Variants in PRICKLE2 observed in about 807,000 individuals in gnomAD.
PRICKLE2 encodes the protein prickle planar cell polarity protein 2, also known as prickle-like protein 2.
In PRICKLE2, 21 loss-of-function variants were observed where a neutral mutation model predicts 81.4. That is an observed-to-expected ratio of 0.26 (90% CI 0.18 to 0.37). The LOEUF is 0.37. Ranked by LOEUF, PRICKLE2 falls within the 10% of genes least tolerant of loss-of-function variation. The pLI is 1.00. For missense variants in PRICKLE2, 940 were observed against 1,109.0 expected (o/e 0.85, Z 2.16); for synonymous variants, 456 against 421.5 (o/e 1.08, Z -1.00).
At chr3:64,152,027 C>A (rs552821439) in intron 6 of PRICKLE2, among the ~76,000 whole-genome samples, 1 of 152,302 alleles carries the variant, frequency 6.6e-6, no homozygotes, top group Admixed American at 6.5e-5. Context: ...GTTGAGCACA[C>A]GCTAGCTGTC....
At chr3:64,249,761 T>C (rs1351700634) in intron 2 of PRICKLE2, among the ~76,000 whole-genome samples, 2 of 152,232 alleles carry the variant, frequency 1.3e-5, no homozygotes, top group Non-Finnish European at 2.9e-5. Context: ...GTAGTTCAAG[T>C]ATGTTCCTAT....
chr3:64,127,235 A>G (rs750103704), intron 7 of PRICKLE2, among the ~76,000 whole-genome samples: 1 of 152,216 alleles, frequency 6.6e-6, no homozygotes, highest in African/African-American at 2.4e-5. Flanking sequence ...AGCCTTACCC[A>G]ATAAGATAAT....
intron 2 of PRICKLE2, among the ~76,000 whole-genome samples, chr3:64,261,448 G>A (rs2079613959): frequency 6.6e-6 from 1 of 152,124 alleles, no homozygotes; most frequent in Non-Finnish European, 1.5e-5. Context: ...AGAAGGGACA[G>A]GGACAGGCTT....
At chr3:64,212,001 G>A (rs891227280) in intron 1 of PRICKLE2, among the ~76,000 whole-genome samples, 7 of 152,252 alleles carry the variant, frequency 4.6e-5, no homozygotes, top group South Asian at 2.1e-4. Flanking sequence ...TTTTAAAAGC[G>A]TTCACAAGCC....
At chr3:64,251,042 C>A (rs969133963) in intron 2 of PRICKLE2, among the ~76,000 whole-genome samples, 1 of 152,104 alleles carries the variant, frequency 6.6e-6, no homozygotes, top group Non-Finnish European at 1.5e-5. Context: ...TATCAGATCA[C>A]GAGGGCAGGG....
In PRICKLE2 at chr3:64,147,480, C is replaced by T. The variant is rs750388947; in HGVS notation, c.1010G>A (p.Ser337Asn). The change falls in exon 7 of 8, where the codon AGT becomes AAT. Residue 337 changes from serine (S) to asparagine (N), a missense_variant. Around this residue, in one of 2 missense-constraint regions of PRICKLE2, gnomAD observed 670 missense variants for 717.2 expected, o/e 0.93. Transcript: ENST00000638394. This position sits in a 1 kb window ranked among gnomAD's most constrained non-coding sequence, Gnocchi z 5.0. ...GCCCTTGTTCTTGCCAATTTTGGCA[C>T]TGCGCCGGGACTCCTTGGCCCTGGC... is the stretch of plus-strand genomic sequence containing the variant. ...QNARAKESRR[S>N]AKIGKNKGKT... 6.2e-7 allele frequency: 1 copy of T among 1,614,250 alleles called. No individual in the cohort carries two copies. Among genetic ancestry groups the T allele is most frequent in the South Asian group, 1.1e-5 (1 of 91,092 alleles).
intron 2 of PRICKLE2, among the ~76,000 whole-genome samples, chr3:64,249,976 C>T (rs1477362584): frequency 6.6e-6 from 1 of 152,194 alleles, no homozygotes; most frequent in African/African-American, 2.4e-5. Context: ...TAATGACGTG[C>T]TCAAGGCCTG....
chr3:64,099,975 T>C lies in PRICKLE2; in HGVS notation c.1661-50A>G. 6.3e-7 allele frequency: 1 copy of C among 1,578,996 alleles called. No individual in the cohort carries two copies. The highest frequency in any genetic ancestry group is 8.7e-7 in the Non-Finnish European group (1 of 1,150,130). ...AGAGATTAATACAGATGTGCAGCAATGGGTATCACTGTCACTGCTGGTCAT... is the reference window on the plus strand; with the variant it reads ...AGAGATTAATACAGATGTGCAGCAACGGGTATCACTGTCACTGCTGGTCAT... On this transcript the variant is annotated intron_variant, in intron 7 of 7. Coordinates refer to ENST00000638394, the MANE Select transcript of PRICKLE2 (RefSeq NM_198859.4). This position sits in a 1 kb window ranked among gnomAD's most constrained non-coding sequence, Gnocchi z 4.3.
chr3:64,157,504 C>T, intron 4 of PRICKLE2, 139 bp from the exon 5 acceptor site: 4 of 871,424 alleles, frequency 4.6e-6, no homozygotes, highest in Non-Finnish European at 3.7e-6. Flanking sequence ...CTGCTTTACA[C>T]AGGCAGCAGG....
At chr3:64,201,828 A>G (rs1295544722) in intron 1 of PRICKLE2, among the ~76,000 whole-genome samples, 1 of 152,158 alleles carries the variant, frequency 6.6e-6, no homozygotes, top group East Asian at 1.9e-4. Flanking sequence ...ACGGTCATAA[A>G]GATGTATTCT....
chr3:64,198,658 A>G, intron 2 of PRICKLE2, 126 bp downstream of exon 2: 1 of 1,056,536 alleles, frequency 9.5e-7, no homozygotes, highest in Non-Finnish European at 1.5e-6. Context: ...CATCTTCAAC[A>G]TATTTAGCCC....
chr3:64,219,965 A>G (rs1467546916), intron 1 of PRICKLE2, among the ~76,000 whole-genome samples: 1 of 152,242 alleles, frequency 6.6e-6, no homozygotes, highest in Non-Finnish European at 1.5e-5. Context: ...GTTTACATAA[A>G]GCATCTTTCG....
At chr3:64,163,322 T>C (rs1174135978) in intron 2 of PRICKLE2, 193 bp from the exon 3 acceptor site, 2 of 624,634 alleles carry the variant, frequency 3.2e-6, no homozygotes, top group Non-Finnish European at 5.8e-6. Flanking sequence ...GTCAGGCAAA[T>C]CATCCATATC....
At chr3:64,254,694 C>T (rs1317690002) in intron 2 of PRICKLE2, among the ~76,000 whole-genome samples, 1 of 152,126 alleles carries the variant, frequency 6.6e-6, no homozygotes, top group African/African-American at 2.4e-5. Flanking sequence ...TTTCTTGATC[C>T]CTCCTCTCAA....
At chr3:64,172,349 C>T (rs2077946750) in intron 2 of PRICKLE2, among the ~76,000 whole-genome samples, 2 of 152,216 alleles carry the variant, frequency 1.3e-5, no homozygotes, top group Admixed American at 1.3e-4. Context: ...AGTTTCAATA[C>T]TGCCTTTAGA....
chr3:64,173,480 A>G (rs1446101271), intron 2 of PRICKLE2, among the ~76,000 whole-genome samples: 3 of 152,170 alleles, frequency 2.0e-5, no homozygotes, highest in Non-Finnish European at 4.4e-5. Flanking sequence ...AATTTATTTA[A>G]TTATAAGTTT....
In PRICKLE2 at chr3:64,210,576, C is replaced by G. The variant is rs1165838675; in HGVS notation, c.-40-11609G>C. On this transcript the variant is annotated intron_variant, in intron 1 of 7. Transcript: ENST00000638394. ...GCCATCTGCACCAAGAAGTGCTTCT[C>G]TCTCCCAGGGGTTGCTGAAGTTGGT... Among the ~76,000 whole-genome samples the G allele has an allele frequency of 2.0e-5, 3 of 152,182 alleles. No individual in the cohort carries two copies. The East Asian group carries it at 5.8e-4, about 29-fold the overall frequency.
At chr3:64,250,068 CA>C (rs1446821851) in intron 2 of PRICKLE2, among the ~76,000 whole-genome samples, 1 of 152,160 alleles carries the variant, frequency 6.6e-6, no homozygotes, top group Non-Finnish European at 1.5e-5. Context: ...CCTTTATCAC[CA>C]AAGCAAGCAC....
At chr3:64,202,074 T>C (rs1240865455) in intron 1 of PRICKLE2, among the ~76,000 whole-genome samples, 1 of 152,206 alleles carries the variant, frequency 6.6e-6, no homozygotes, top group East Asian at 1.9e-4. Flanking sequence ...GACATTCAGT[T>C]CTATTCCAGT....
Sources: gnomAD v4.1 joint callset for allele counts (sites outside exome capture counted in the v4.1 genomes callset) on GRCh38, gnomAD v4.1.1 for gene constraint, gnomAD v4.1.1 regional missense constraint, Gnocchi (gnomAD v3.1) non-coding constraint, MANE v1.5 for transcripts, NCBI Gene and HGNC (gene_info 2026-07-23, HGNC 2026-07-21) for gene names.